HABP2: variants seen among roughly 807,000 people sequenced by gnomAD.
HABP2 encodes the protein factor VII-activating protease.
Under a neutral mutation model 66.5 loss-of-function variants are expected in HABP2, and 65 were observed. That is an observed-to-expected ratio of 0.98 (90% CI 0.80 to 1.20). HABP2 has a LOEUF of 1.20. Among genes scored for constraint, HABP2 ranks in the 50% most tolerant of loss-of-function variants. The pLI, the probability that HABP2 is intolerant of heterozygous loss-of-function variation, is 0.00. For missense variants in HABP2, 786 were observed against 691.0 expected (o/e 1.14, Z -1.54); for synonymous variants, 263 against 253.9 (o/e 1.04, Z -0.34).
At chr10:113,570,844 G>A (rs1354622912) in intron 2 of HABP2, among the ~76,000 whole-genome samples, 2 of 152,200 alleles carry the variant, frequency 1.3e-5, no homozygotes, top group African/African-American at 2.4e-5. Context: ...AGGGCTTTGT[G>A]CTGGGCACTC....
chr10:113,584,698 A>G (rs1845601508), intron 11 of HABP2, among the ~76,000 whole-genome samples: 1 of 152,190 alleles, frequency 6.6e-6, no homozygotes, highest in African/African-American at 2.4e-5. Flanking sequence ...GTTTGCAAGC[A>G]TGATCACAGG....
rs115994572 is a variant in HABP2 at position 113,582,846 on chromosome 10, T to C, written c.1095-370T>C. ...CATGAAGGTCTTCCAGTTCACCTTA[T>C]AGTAAATGATTTCTCTGGGATTCTA... On this transcript the variant is annotated intron_variant, in intron 9 of 12. Coordinates refer to ENST00000351270, the MANE Select transcript of HABP2 (RefSeq NM_004132.5). Among the ~76,000 whole-genome samples the C allele has an allele frequency of 3.2e-3, 483 of 152,306 alleles. 2 individuals are homozygous for C. The highest frequency in any genetic ancestry group is 0.01 in the African/African-American group (431 of 41,560).
intron 9 of HABP2, among the ~76,000 whole-genome samples, 154 bp from the exon 10 acceptor site, chr10:113,583,062 A>T (rs970541613): frequency 2.6e-4 from 40 of 152,208 alleles, no homozygotes; most frequent in African/African-American, 8.9e-4. Flanking sequence ...CACTTCCCTT[A>T]CATAATCTTA....
chr10:113,559,473 G>A (rs973840544), intron 1 of HABP2, among the ~76,000 whole-genome samples: 4 of 152,240 alleles, frequency 2.6e-5, no homozygotes, highest in African/African-American at 9.6e-5. Flanking sequence ...TTGCACAGGA[G>A]CAAAGATAGG....
chr10:113,571,583 A>C (rs1845312814), intron 2 of HABP2, among the ~76,000 whole-genome samples: 1 of 152,162 alleles, frequency 6.6e-6, no homozygotes, highest in Non-Finnish European at 1.5e-5. Context: ...CTGAAAAGTC[A>C]CATTGCAAAG....
At position 113,578,118 on chromosome 10, in the gene HABP2, C is replaced by A; in HGVS notation, c.541C>A (p.Gln181Lys). The A allele has an allele frequency of 6.2e-7, 1 of 1,614,164 alleles. No homozygotes were observed. Among genetic ancestry groups the A allele is most frequent in the South Asian group, 1.1e-5 (1 of 91,088 alleles). Residue 181 changes from glutamine (Q) to lysine (K), a missense_variant, in exon 6 of 13, where the codon CAG becomes AAG. Physicochemically the swap from Gln to Lys is moderately conservative, Grantham distance 53. Transcript: ENST00000351270. ...RSKFTCACPD[Q>K]FKGKFCEIGS... ...CAAGTTCACCTGTGCCTGTCCCGAC[C>A]AGTTCAAGGGGAAATTCTGTGAAAT...
chr10:113,589,101 C>CTA lies in HABP2; in HGVS notation c.*732_*733insTA, dbSNP rs1440675889. ...CCCGCTGCTGAAATCAAACATACCC[C>CTA]AAGTTAAAATGAAGCTCCCCCACCC... is the stretch of plus-strand genomic sequence containing the variant. On this transcript the variant is annotated 3_prime_UTR_variant, in exon 13 of 13. Coordinates refer to ENST00000351270, the MANE Select transcript of HABP2 (RefSeq NM_004132.5). 2.5e-6 allele frequency: 4 copies of CTA among 1,605,056 alleles called. No individual in the cohort carries two copies. In the Admixed American group the frequency reaches 5.0e-5, roughly 20 times the overall value.
intron 1 of HABP2, among the ~76,000 whole-genome samples, chr10:113,562,737 G>A (rs1845123131): frequency 6.6e-6 from 1 of 152,310 alleles, no homozygotes; most frequent in South Asian, 2.1e-4. Flanking sequence ...AAGCCACTGC[G>A]CCCGGCCCAC....
At chr10:113,582,960 T>A (rs1439139415) in intron 9 of HABP2, among the ~76,000 whole-genome samples, 2 of 152,224 alleles carry the variant, frequency 1.3e-5, no homozygotes, top group Admixed American at 1.3e-4. Context: ...CAATGGCTGT[T>A]TCTTTGGAAG....
At chr10:113,553,319 T>C (rs1012071102) in intron 1 of HABP2, 129 bp downstream of exon 1, 1 of 708,690 alleles carries the variant, frequency 1.4e-6, no homozygotes, top group Non-Finnish European at 2.5e-6. Flanking sequence ...ATGTTCTAAC[T>C]ACAAGAACCA....
chr10:113,552,272 G>T (rs1256279866), upstream of HABP2, among the ~76,000 whole-genome samples: 3 of 152,132 alleles, frequency 2.0e-5, no homozygotes, highest in African/African-American at 7.2e-5. Context: ...AGATTTCTGT[G>T]GGCAGTCAGT....
intron 8 of HABP2, among the ~76,000 whole-genome samples, 176 bp from the exon 9 acceptor site, chr10:113,581,700 A>G (rs1845536964): frequency 6.6e-6 from 1 of 152,266 alleles, no homozygotes; most frequent in African/African-American, 2.4e-5. Context: ...TACGCAATGT[A>G]TTCAACAAAT....
chr10:113,588,182 G>A (rs753497306), intron 12 of HABP2, 23 bp from the exon 13 acceptor site: 1 of 1,580,276 alleles, frequency 6.3e-7, no homozygotes, highest in Middle Eastern at 2.1e-4. Flanking sequence ...ACGAGGATGA[G>A]CTTATGCCTC....
chr10:113,581,021 TG>T (rs1565106284), intron 8 of HABP2, among the ~76,000 whole-genome samples: 1 of 152,184 alleles, frequency 6.6e-6, no homozygotes, highest in Non-Finnish European at 1.5e-5. Flanking sequence ...GTGATCAAAC[TG>T]GCTGGGCTCC....
intron 2 of HABP2, chr10:113,569,866 G>A (rs1309396192): frequency 6.6e-6 from 1 of 152,304 alleles, no homozygotes; most frequent in Non-Finnish European, 1.5e-5. Context: ...CCACAGTGAT[G>A]GATGACACCA....
At chr10:113,551,664 G>T (rs1844900791), upstream of HABP2, among the ~76,000 whole-genome samples, 1 of 152,112 alleles carries the variant, frequency 6.6e-6, no homozygotes, top group South Asian at 2.1e-4. Context: ...AAATTAGCCA[G>T]CCATGGTGGC....
intron 1 of HABP2, 108 bp downstream of exon 1, chr10:113,553,298 C>A: frequency 4.8e-6 from 4 of 825,872 alleles, no homozygotes; most frequent in Non-Finnish European, 8.3e-6. Context: ...GCTGGAGTTG[C>A]CAAGTTGGAG....
At position 113,582,116 on chromosome 10, in the gene HABP2, C is replaced by A; in HGVS notation, c.1079C>A (p.Ala360Asp). The stretch of plus-strand genomic sequence containing the variant: ...ATCCACCCCTGCTGGGTGCTCACTG[C>A]TGCCCACTGCACCGAGTAGGTGCCG... ...ALIHPCWVLT[A>D]AHCTDIKTRH... is the part of the protein sequence containing the mutation. Residue 360 changes from alanine (A) to aspartate (D), a missense_variant, in exon 9 of 13, where the codon GCT becomes GAT. Ala to Asp is a moderately radical substitution (Grantham distance 126). Transcript: ENST00000351270. 3.1e-6 allele frequency: 5 copies of A among 1,606,960 alleles called. No individual in the cohort carries two copies. Among genetic ancestry groups the A allele is most frequent in the Non-Finnish European group, 4.2e-6 (5 of 1,179,646 alleles).
rs11575681 is a variant in HABP2 at position 113,575,512 on chromosome 10, G to A, written c.224-385G>A. Among the ~76,000 whole-genome samples the A allele has an allele frequency of 6.0e-3, 909 of 152,246 alleles. 7 individuals carry two copies. Among genetic ancestry groups the A allele is most frequent in the South Asian group, 0.023 (110 of 4,816 alleles). On this transcript the variant is annotated intron_variant, in intron 3 of 12. Transcript: ENST00000351270. ...CCACCCCTGGGCACTGGAAGTAGGG[G>A]AGGTCTTCAGGCTTGTGAAATACCT...
Sources: gnomAD v4.1 joint callset for allele counts (sites outside exome capture counted in the v4.1 genomes callset) on GRCh38, gnomAD v4.1.1 for gene constraint, MANE v1.5 for transcripts, NCBI Gene and HGNC (gene_info 2026-07-23, HGNC 2026-07-21) for gene names.